Variants in ANKDD1B observed in about 807,000 individuals in gnomAD.
ANKDD1B encodes the protein ankyrin repeat and death domain-containing protein 1B.
ANKDD1B carries 57 observed loss-of-function variants against 59.7 expected under a neutral mutation model. That is an observed-to-expected ratio of 0.95 (90% CI 0.77 to 1.19). The LOEUF is 1.19. Among genes scored for constraint, ANKDD1B ranks in the 50% most tolerant of loss-of-function variants. ANKDD1B has a pLI of 0.00. For missense variants in ANKDD1B, 602 were observed against 641.9 expected (o/e 0.94, Z 0.67); for synonymous variants, 216 against 239.5 (o/e 0.90, Z 0.91).
At chr5:75,664,720 C>G (rs1390280158) in intron 11 of ANKDD1B, among the ~76,000 whole-genome samples, 3 of 152,096 alleles carry the variant, frequency 2.0e-5, no homozygotes, top group Non-Finnish European at 4.4e-5. Context: ...TACTTTCCCA[C>G]CAAATGAATA....
At chr5:75,652,664 C>T (rs965565288) in intron 7 of ANKDD1B, among the ~76,000 whole-genome samples, 2 of 152,214 alleles carry the variant, frequency 1.3e-5, no homozygotes, top group African/African-American at 2.4e-5. Flanking sequence ...ATCTCAAACT[C>T]CTGGGCTCAA....
chr5:75,621,817 T>G (rs1773855451), intron 3 of ANKDD1B, among the ~76,000 whole-genome samples: 1 of 152,188 alleles, frequency 6.6e-6, no homozygotes, highest in Non-Finnish European at 1.5e-5. Context: ...CTCCTTGAGG[T>G]TTTTCTAAAC....
Position 75,645,087 on chromosome 5 carries a change from G to A in ANKDD1B, c.799-8055G>A, listed in dbSNP as rs1408294840. Among the ~76,000 whole-genome samples, 331 of 127,026 alleles carry A rather than the reference G, an allele frequency of 2.6e-3. 6 individuals are homozygous for A. In the East Asian group the frequency reaches 0.029, roughly 11 times the overall value. 83.3% of individuals were successfully genotyped at this position (127,026 alleles called of 152,430 possible). ...CACCACATACCAGAATCTCTGGGAC[G>A]CATTCAAAGCAGTGTGTAGAGGGAA... On this transcript the variant is annotated intron_variant, in intron 7 of 13. Transcript: ENST00000601380.
intron 5 of ANKDD1B, among the ~76,000 whole-genome samples, chr5:75,627,742 A>G (rs976332941): frequency 3.9e-5 from 6 of 152,174 alleles, no homozygotes; most frequent in Non-Finnish European, 8.8e-5. Flanking sequence ...TTCCCCTTCA[A>G]TGTGCCCTGA....
chr5:75,631,182 G>T (rs1774145296), intron 5 of ANKDD1B, among the ~76,000 whole-genome samples: 1 of 152,144 alleles, frequency 6.6e-6, no homozygotes, highest in African/African-American at 2.4e-5. Flanking sequence ...TAAATATAAA[G>T]GCAAAGCAAC....
rs1774287779 is a variant in ANKDD1B, at chr5:75,635,875, T to C, written c.791T>C (p.Met264Thr). 6.5e-7 allele frequency: 1 copy of C among 1,527,582 alleles called. No homozygotes were observed. Among genetic ancestry groups the C allele is most frequent in the Non-Finnish European group, 8.8e-7 (1 of 1,139,970 alleles). The allele number at this position is 1,527,582 out of a possible 1,614,324, so 94.6% of individuals were successfully genotyped here. Residue 264 changes from methionine (M) to threonine (T), a missense_variant, in exon 7 of 14, where the codon ATG (methionine) becomes ACG (threonine). Physicochemically the swap from Met to Thr is moderately conservative, Grantham distance 81. Transcript: ENST00000601380. ...LLAQWQDINE[M>T]NELNISSLQI... ...GCCCAGTGGCAAGACATAAATGAGA[T>C]GAATGAGGTATGTGGAAGTGCTCGT...
intron 2 of ANKDD1B, among the ~76,000 whole-genome samples, chr5:75,618,048 A>G (rs1282883437): frequency 6.6e-6 from 1 of 152,012 alleles, no homozygotes; most frequent in Non-Finnish European, 1.5e-5. Flanking sequence ...CTCATGTTCC[A>G]TAGATATCCT....
Position 75,611,695 on chromosome 5 carries a change from G to C in ANKDD1B, c.61G>C (p.Ala21Pro), listed in dbSNP as rs913826349. ...GATAGGLLLR[A>P]AAAAKGLRED... ...CACGGCAGGGGGGCTGCTGCTCCGGGCTGCTGCGGCCGCCAAGGGTCTCAG... is the reference window on the plus strand; with the variant it reads ...CACGGCAGGGGGGCTGCTGCTCCGGCCTGCTGCGGCCGCCAAGGGTCTCAG... The change falls in exon 1 of 14, where the codon GCT becomes CCT. Residue 21 changes from alanine (A) to proline (P), a missense_variant. Physicochemically the swap from Ala to Pro is conservative, Grantham distance 27. Transcript: ENST00000601380. 6 of 1,231,116 alleles carry C rather than the reference G, an allele frequency of 4.9e-6. No homozygotes were observed. Among genetic ancestry groups the C allele is most frequent in the Non-Finnish European group, 6.1e-6 (6 of 988,120 alleles). 76.3% of individuals were successfully genotyped at this position (1,231,116 alleles called of 1,614,324 possible). A position where few individuals can be genotyped will look rare whatever the true frequency, so the allele number is the denominator to read the frequency against.
chr5:75,663,550 G>C (rs1403718291), intron 11 of ANKDD1B, 61 bp downstream of exon 11: 2 of 1,288,792 alleles, frequency 1.6e-6, no homozygotes, highest in African/African-American at 2.9e-5. Context: ...CTTCTTGCAG[G>C]GGCAATGGGG....
In ANKDD1B at chr5:75,671,231, C is replaced by A; in HGVS notation, c.*191C>A. The A allele has an allele frequency of 2.8e-6, 1 of 361,656 alleles. No homozygotes were observed. The highest frequency in any genetic ancestry group is 4.9e-6 in the Non-Finnish European group (1 of 202,722). The allele number at this position is 361,656 out of a possible 1,614,324, so 22.4% of individuals were successfully genotyped here. A position where few individuals can be genotyped will look rare whatever the true frequency, so the allele number is the denominator to read the frequency against. ...AAAAAGTCAAATATAGTTTTTTTTGCTGAGGGCAAGTTGTATGTGATTTTC... is the reference window on the plus strand; with the variant it reads ...AAAAAGTCAAATATAGTTTTTTTTGATGAGGGCAAGTTGTATGTGATTTTC... On this transcript the variant is annotated 3_prime_UTR_variant, in exon 14 of 14. Transcript: ENST00000601380.
intron 3 of ANKDD1B, among the ~76,000 whole-genome samples, chr5:75,625,353 A>G (rs1581132540): frequency 6.6e-6 from 1 of 152,172 alleles, no homozygotes; most frequent in African/African-American, 2.4e-5. Flanking sequence ...GAGACTATAC[A>G]TTATAGTCTG....
chr5:75,660,898 G>C (rs1246819765), intron 10 of ANKDD1B, among the ~76,000 whole-genome samples: 2 of 152,092 alleles, frequency 1.3e-5, no homozygotes, highest in Non-Finnish European at 2.9e-5. Context: ...GAAACTTGCA[G>C]TTTTCCCTTC....
rs972630455 is a variant in ANKDD1B, at chr5:75,671,108, C to T, written c.*68C>T. ...TCAGTTCTTTTAATGCCATAAATTT[C>T]TTCTAGCAGTAGCACTGATTTTCAA... is the stretch of plus-strand genomic sequence containing the variant. On this transcript the variant is annotated 3_prime_UTR_variant, in exon 14 of 14. Transcript: ENST00000601380. The T allele has an allele frequency of 9.9e-6, 7 of 708,300 alleles. No homozygotes were observed. In the Admixed American group the frequency reaches 3.0e-4, roughly 31 times the overall value. 43.9% of individuals were successfully genotyped at this position (708,300 alleles called of 1,614,324 possible). A position where few individuals can be genotyped will look rare whatever the true frequency, so the allele number is the denominator to read the frequency against.
intron 8 of ANKDD1B, 30 bp downstream of exon 8, chr5:75,653,270 G>C: frequency 2.0e-6 from 3 of 1,500,350 alleles, no homozygotes; most frequent in Non-Finnish European, 2.7e-6. Flanking sequence ...ACGGGCTTTG[G>C]TCCTGGCGCC....
chr5:75,663,486 AGAG>A lies in ANKDD1B; in HGVS notation c.1190_1191+1del. Reference sequence around the variant, plus strand: ...AAGCAGAGAGATACTACGCCTGGAGAGAGGTAAGGAAGGACGATCCCAGCACAG... The same window carrying A: ...AAGCAGAGAGATACTACGCCTGGAGAGTAAGGAAGGACGATCCCAGCACAG... On this transcript the variant is annotated inframe_deletion and splice_region_variant, in exon 11 of 14. Coordinates refer to ENST00000601380, the MANE Select transcript of ANKDD1B (RefSeq NM_001276713.2). The A allele has an allele frequency of 6.5e-7, 1 of 1,536,010 alleles. No individual in the cohort carries two copies. The highest frequency in any genetic ancestry group is 8.7e-7 in the Non-Finnish European group (1 of 1,146,744).
Position 75,671,221 on chromosome 5 carries a change from G to GT in ANKDD1B, c.*189dup, listed in dbSNP as rs879532558. On this transcript the variant is annotated 3_prime_UTR_variant, in exon 14 of 14. Transcript: ENST00000601380. ...TTCAACCACTAAAAAGTCAAATATA[G>GT]TTTTTTTTGCTGAGGGCAAGTTGTA... The GT allele has an allele frequency of 3.4e-4, 126 of 367,630 alleles. No individual in the cohort carries two copies. Among genetic ancestry groups the GT allele is most frequent in the East Asian group, 6.2e-4 (16 of 25,706 alleles). 22.8% of individuals were successfully genotyped at this position (367,630 alleles called of 1,614,324 possible). A position where few individuals can be genotyped will look rare whatever the true frequency, so the allele number is the denominator to read the frequency against.
Position 75,616,434 on chromosome 5 carries a change from C to A in ANKDD1B, c.194-370C>A, listed in dbSNP as rs185904610. Among the ~76,000 whole-genome samples the A allele has an allele frequency of 4.6e-5, 7 of 152,174 alleles. No homozygotes were observed. The South Asian group carries it at 1.0e-3, about 23-fold the overall frequency. On this transcript the variant is annotated intron_variant, in intron 1 of 13. Transcript: ENST00000601380. The stretch of plus-strand genomic sequence containing the variant: ...GTTTTATCTCTGTAAGCTGTAGGAG[C>A]ATTTGGACTCCTCCCTGCCTAATCT...
At chr5:75,656,000 G>A (rs1436869820) in intron 8 of ANKDD1B, 29 bp from the exon 9 acceptor site, 1 of 1,072,054 alleles carries the variant, frequency 9.3e-7, no homozygotes, top group South Asian at 1.4e-5. Flanking sequence ...AGAACCTTCT[G>A]GATTTGAAAT....
intron 11 of ANKDD1B, among the ~76,000 whole-genome samples, chr5:75,664,818 C>A (rs1775264006): frequency 6.6e-6 from 1 of 152,214 alleles, no homozygotes; most frequent in African/African-American, 2.4e-5. Context: ...CTAAAGGAGA[C>A]CCCCAGAAAT....
Sources: gnomAD v4.1 joint callset for allele counts (sites outside exome capture counted in the v4.1 genomes callset) on GRCh38, gnomAD v4.1.1 for gene constraint, MANE v1.5 for transcripts, NCBI Gene and HGNC (gene_info 2026-07-23, HGNC 2026-07-21) for gene names.